The following FBXL17 variants were observed in gnomAD, a reference collection of about 807,000 sequenced individuals.
FBXL17 encodes F-box/LRR-repeat protein 17.
A neutral mutation model predicts 66.2 loss-of-function variants in FBXL17; 22 were observed. That is an observed-to-expected ratio of 0.33 (90% CI 0.24 to 0.47). The LOEUF (loss-of-function observed/expected upper bound fraction) is 0.47. Ranked by LOEUF, FBXL17 falls within the 20% of genes least tolerant of loss-of-function variation. The pLI, the probability that FBXL17 is intolerant of heterozygous loss-of-function variation, is 1.00. For missense variants in FBXL17, 878 were observed against 948.2 expected (o/e 0.93, Z 0.97); for synonymous variants, 474 against 400.5 (o/e 1.18, Z -2.19).
At chr5:107,914,866 A>G (rs1480882806) in intron 7 of FBXL17, among the ~76,000 whole-genome samples, 2 of 152,226 alleles carry the variant, frequency 1.3e-5, no homozygotes, top group East Asian at 3.8e-4. Flanking sequence ...CAAACCTTAC[A>G]TATAACTAGA....
At chr5:107,878,428 A>G (rs757369521) in intron 8 of FBXL17, 1 of 609,206 alleles carries the variant, frequency 1.6e-6, no homozygotes, top group African/African-American at 2.0e-5. Context: ...ACTCATTCAC[A>G]TGCTCACAAT....
At chr5:108,166,162 G>C (rs1338240591) in intron 6 of FBXL17, among the ~76,000 whole-genome samples, 1 of 152,182 alleles carries the variant, frequency 6.6e-6, no homozygotes, top group East Asian at 1.9e-4. Flanking sequence ...AGTCAAGTGA[G>C]ACTTTGATGT....
At chr5:108,331,867 T>C (rs1760139875) in intron 4 of FBXL17, among the ~76,000 whole-genome samples, 1 of 152,160 alleles carries the variant, frequency 6.6e-6, no homozygotes, top group African/African-American at 2.4e-5. Flanking sequence ...ATATAACTTA[T>C]AAATGAAAAA....
At chr5:107,959,379 T>TAA (rs1431817797) in intron 7 of FBXL17, among the ~76,000 whole-genome samples, 1 of 41,240 alleles carries the variant, frequency 2.4e-5, no homozygotes, top group African/African-American at 8.8e-5. Flanking sequence ...AGGGCTGCTA[T>TAA]AAACACACAC....
intron 4 of FBXL17, among the ~76,000 whole-genome samples, chr5:108,344,044 A>G (rs1439390696): frequency 2.0e-5 from 3 of 152,206 alleles, no homozygotes; most frequent in African/African-American, 7.2e-5. Context: ...GAAGGAAAAC[A>G]AAGTGCAAAA....
At chr5:108,194,375 A>G (rs985214326) in intron 5 of FBXL17, among the ~76,000 whole-genome samples, 8 of 150,166 alleles carry the variant, frequency 5.3e-5, no homozygotes, top group Admixed American at 2.7e-4. Context: ...TATAGAGAGG[A>G]AAAAAAAAAG....
At chr5:108,360,991 T>C (rs1215563213) in intron 3 of FBXL17, among the ~76,000 whole-genome samples, 1 of 152,130 alleles carries the variant, frequency 6.6e-6, no homozygotes, top group East Asian at 1.9e-4. Flanking sequence ...CCTAATTTCC[T>C]TCATTTCTTT....
chr5:108,154,671 GTGTATATA>G (rs1751920918), intron 6 of FBXL17, among the ~76,000 whole-genome samples: 1 of 137,984 alleles, frequency 7.2e-6, no homozygotes, highest in Non-Finnish European at 1.5e-5. Flanking sequence ...ACATATATAT[GTGTATATA>G]TATACACATA....
chr5:108,262,685 C>A (rs547507364), intron 4 of FBXL17, among the ~76,000 whole-genome samples: 2 of 152,076 alleles, frequency 1.3e-5, no homozygotes, highest in East Asian at 3.9e-4. Flanking sequence ...AAAATATGGG[C>A]CCACTTCACT....
At position 108,381,682 on chromosome 5, in the gene FBXL17, G is replaced by C. The variant is rs1442324241; in HGVS notation, c.10C>G (p.Leu4Val). ...CGGTTACGCGGCTCCTTCGAGAGAA[G>C]GTGGCCCATATAGAAGGCCCCGAGG... Reference protein sequence around the residue: MGHLLSKEPRNRPS... With the variant: MGHVLSKEPRNRPS... The change falls in exon 1 of 9, where the codon CTT (leucine) becomes GTT (valine). Residue 4 changes from leucine to valine, a missense_variant. Leu to Val is a conservative substitution (Grantham distance 32, BLOSUM62 1). Coordinates refer to ENST00000542267, the MANE Select transcript of FBXL17 (RefSeq NM_001163315.3). 8.8e-6 allele frequency: 13 copies of C among 1,473,676 alleles called. No homozygotes were observed. The highest frequency in any genetic ancestry group is 9.0e-6 in the Non-Finnish European group (10 of 1,117,240). 91.3% of individuals were successfully genotyped at this position (1,473,676 alleles called of 1,614,324 possible).
intron 6 of FBXL17, among the ~76,000 whole-genome samples, chr5:108,078,117 T>A (rs144303412): frequency 1.8e-3 from 279 of 152,354 alleles, no homozygotes; most frequent in African/African-American, 6.6e-3. Flanking sequence ...ATGCCTCTTG[T>A]TAAAAATCTG....
chr5:108,207,283 A>C (rs1754161622), intron 5 of FBXL17, among the ~76,000 whole-genome samples: 1 of 152,122 alleles, frequency 6.6e-6, no homozygotes, highest in South Asian at 2.1e-4. Flanking sequence ...TTGAATTAAT[A>C]GATGGTTCTG....
At chr5:108,236,303 G>A (rs890998137) in intron 4 of FBXL17, among the ~76,000 whole-genome samples, 1 of 151,962 alleles carries the variant, frequency 6.6e-6, no homozygotes, top group Non-Finnish European at 1.5e-5. Context: ...TTTGAGGTCA[G>A]GAGTTCAAAA....
chr5:108,185,328 T>A (rs1174767897), intron 6 of FBXL17, among the ~76,000 whole-genome samples: 2 of 152,194 alleles, frequency 1.3e-5, no homozygotes, highest in Non-Finnish European at 2.9e-5. Context: ...GATTTACCCC[T>A]TGCTGTTCTC....
At chr5:107,895,717 A>G (rs1321360744) in intron 7 of FBXL17, among the ~76,000 whole-genome samples, 1 of 152,044 alleles carries the variant, frequency 6.6e-6, no homozygotes, top group Non-Finnish European at 1.5e-5. Context: ...TCTTTGATTG[A>G]CCGGGGTTGG....
rs117927687 is a variant in FBXL17, at chr5:108,167,560, T to G, written c.1745+18557A>C. ...CACTGCAAGCTCTATTCACAGGTAT[T>G]TGAAGAAGTCTTTCAGGGTAATTTA... is the stretch of plus-strand genomic sequence containing the variant. On this transcript the variant is annotated intron_variant, in intron 6 of 8. Coordinates refer to ENST00000542267, the MANE Select transcript of FBXL17 (RefSeq NM_001163315.3). Among the ~76,000 whole-genome samples the G allele has an allele frequency of 1.8e-4, 28 of 152,322 alleles. No homozygotes were observed. In the East Asian group the frequency reaches 4.8e-3, roughly 26 times the overall value.
intron 4 of FBXL17, among the ~76,000 whole-genome samples, chr5:108,269,951 T>C (rs1467679798): frequency 1.3e-5 from 2 of 152,086 alleles, no homozygotes; most frequent in Non-Finnish European, 2.9e-5. Context: ...GGTACAGGAA[T>C]GTGGCTATAT....
intron 7 of FBXL17, among the ~76,000 whole-genome samples, chr5:108,018,119 CA>C (rs1296177793): frequency 3.9e-5 from 6 of 152,016 alleles, no homozygotes; most frequent in African/African-American, 1.4e-4. Flanking sequence ...AAGAGGAGGC[CA>C]AAAACAGACT....
At chr5:108,075,373 T>C (rs551791959) in intron 6 of FBXL17, among the ~76,000 whole-genome samples, 32 of 152,334 alleles carry the variant, frequency 2.1e-4, no homozygotes, top group Non-Finnish European at 3.5e-4. Flanking sequence ...CTTTGAGATG[T>C]AAATTTGCCA....
Sources: allele counts gnomAD v4.1 joint callset (sites outside exome capture counted in the v4.1 genomes callset), GRCh38; gene constraint gnomAD v4.1.1; transcripts MANE v1.5; gene names NCBI Gene and HGNC (gene_info 2026-07-23, HGNC 2026-07-21).